CCNY: variants seen among roughly 807,000 people sequenced by gnomAD.
The protein encoded by CCNY is cyclin Y.
Under a neutral mutation model 42.8 loss-of-function variants are expected in CCNY, and 19 were observed. That is an observed-to-expected ratio of 0.44 (90% CI 0.31 to 0.65). The LOEUF is 0.65. CCNY is among the 30% of genes least tolerant of loss of function. CCNY has a pLI of 0.07. For synonymous variants in CCNY, 165 were observed against 162.7 expected (o/e 1.01, Z -0.11); for missense variants, 370 against 437.3 (o/e 0.85, Z 1.37).
At chr10:35,501,056 C>T (rs1201774164) in intron 2 of CCNY, among the ~76,000 whole-genome samples, 1 of 152,148 alleles carries the variant, frequency 6.6e-6, no homozygotes, top group Non-Finnish European at 1.5e-5. Context: ...ACATCGTCTT[C>T]CTGGATCTCA....
intron 1 of CCNY, among the ~76,000 whole-genome samples, chr10:35,405,497 GC>G (rs1423823638): frequency 1.3e-5 from 2 of 152,278 alleles, no homozygotes; most frequent in Non-Finnish European, 2.9e-5. Context: ...TAATAAGGGA[GC>G]CGGGCAGGTG....
chr10:35,508,571 T>C (rs1433608524), intron 3 of CCNY, among the ~76,000 whole-genome samples: 1 of 152,198 alleles, frequency 6.6e-6, no homozygotes, highest in Non-Finnish European at 1.5e-5. Flanking sequence ...TCATTGCTGC[T>C]GGGGTGCTAT....
intron 3 of CCNY, among the ~76,000 whole-genome samples, chr10:35,296,153 AG>A (rs1279685710): frequency 1.3e-5 from 2 of 152,260 alleles, no homozygotes; most frequent in Non-Finnish European, 2.9e-5. Flanking sequence ...CAAATCTAGC[AG>A]AAGACCAGAA....
At chr10:35,302,210 C>T (rs1835545678) in intron 3 of CCNY, among the ~76,000 whole-genome samples, 1 of 151,680 alleles carries the variant, frequency 6.6e-6, no homozygotes, top group African/African-American at 2.4e-5. Context: ...ACCCACCTGC[C>T]TCGGCCTCCC....
At chr10:35,405,860 C>T (rs2135237406) in intron 1 of CCNY, among the ~76,000 whole-genome samples, 1 of 152,328 alleles carries the variant, frequency 6.6e-6, no homozygotes, top group African/African-American at 2.4e-5. Flanking sequence ...CAGTGGGGTC[C>T]TGCACAGATG....
rs1254107253 is a variant in CCNY, at chr10:35,253,426, T to A, written c.-9+2800T>A. ...CAGCATGCTCACTATTTTTTTTTTT[T>A]TTTTTTTTTTTTTTTTTGTAGAGAT... On this transcript the variant is annotated intron_variant, in intron 3 of 11. Coordinates refer to the CCNY transcript ENST00000374706. Among the ~76,000 whole-genome samples, 91 of 139,736 alleles carry A rather than the reference T, an allele frequency of 6.5e-4. 1 individual carries two copies. The highest frequency in any genetic ancestry group is 3.3e-3 in the South Asian group (14 of 4,300). 91.7% of individuals were successfully genotyped at this position (139,736 alleles called of 152,430 possible). A position where few individuals can be genotyped will look rare whatever the true frequency, so the allele number is the denominator to read the frequency against.
chr10:35,330,703 A>G (rs1835932188), intron 3 of CCNY, among the ~76,000 whole-genome samples: 1 of 152,202 alleles, frequency 6.6e-6, no homozygotes, highest in African/African-American at 2.4e-5. Context: ...ACTGGATGCT[A>G]GAATTCCAGC....
At chr10:35,521,221 G>A (rs187427650) in intron 4 of CCNY, among the ~76,000 whole-genome samples, 7 of 152,364 alleles carry the variant, frequency 4.6e-5, no homozygotes, top group Admixed American at 3.9e-4. Flanking sequence ...TAGTCCAAAT[G>A]TTTTGTTCCC....
intron 7 of CCNY, among the ~76,000 whole-genome samples, chr10:35,534,024 CTT>C (rs796729108): frequency 7.6e-5 from 11 of 143,900 alleles, no homozygotes; most frequent in Non-Finnish European, 4.6e-5. Flanking sequence ...CATTGCTTAA[CTT>C]TTTTTTTTTT....
intron 1 of CCNY, among the ~76,000 whole-genome samples, chr10:35,426,314 A>T (rs1056093008): frequency 6.6e-6 from 1 of 152,152 alleles, no homozygotes; most frequent in Non-Finnish European, 1.5e-5. Flanking sequence ...CTCTGCAAAC[A>T]TGCTGTGTTG....
chr10:35,403,885 A>G (rs567984159), intron 1 of CCNY, among the ~76,000 whole-genome samples: 51 of 152,380 alleles, frequency 3.3e-4, no homozygotes, highest in Non-Finnish European at 6.8e-4. Context: ...GCCATCAGTA[A>G]ACCAAATGTG....
At chr10:35,343,625 G>A (rs769809280) in intron 1 of CCNY, among the ~76,000 whole-genome samples, 29 of 148,406 alleles carry the variant, frequency 2.0e-4, no homozygotes, top group Non-Finnish European at 3.7e-4. Context: ...CCTGACCTCA[G>A]GTGATCTGCC....
chr10:35,415,895 C>A (rs1195036460), intron 1 of CCNY, among the ~76,000 whole-genome samples: 2 of 152,258 alleles, frequency 1.3e-5, no homozygotes, highest in African/African-American at 2.4e-5. Context: ...CTGCACAGAT[C>A]GACAGAGAGT....
chr10:35,565,940 C>G (rs1841560656), intron 8 of CCNY, 83 bp from the exon 9 acceptor site: 2 of 1,376,596 alleles, frequency 1.5e-6, no homozygotes, highest in South Asian at 2.8e-5. Flanking sequence ...TTTCTGGAGT[C>G]TGGTCTCCAG....
chr10:35,422,198 A>T lies in CCNY; in HGVS notation c.155-61206A>T, dbSNP rs562939999. On this transcript the variant is annotated intron_variant, in intron 1 of 9. Transcript: ENST00000374704. ...TTTTTAAAATTTAAATTTAAAACCT[A>T]CAGTCGTCAATAAAACATTATTCTA... Among the ~76,000 whole-genome samples the T allele has an allele frequency of 2.6e-5, 4 of 152,272 alleles. No individual in the cohort carries two copies. The South Asian group carries it at 8.3e-4, about 32-fold the overall frequency.
chr10:35,484,921 CTT>C (rs755053423), intron 2 of CCNY, among the ~76,000 whole-genome samples: 13 of 152,196 alleles, frequency 8.5e-5, no homozygotes, highest in Non-Finnish European at 1.8e-4. Flanking sequence ...TAGAAGGAAA[CTT>C]GACCTAAGTC....
At chr10:35,256,004 GT>G (rs1167830941) in intron 3 of CCNY, among the ~76,000 whole-genome samples, 1 of 152,028 alleles carries the variant, frequency 6.6e-6, no homozygotes, top group Non-Finnish European at 1.5e-5. Flanking sequence ...TCTAATATTA[GT>G]ATAGCCATCC....
intron 1 of CCNY, among the ~76,000 whole-genome samples, chr10:35,393,007 C>A (rs1015098385): frequency 2.6e-5 from 4 of 152,132 alleles, no homozygotes; most frequent in African/African-American, 7.2e-5. Flanking sequence ...CAAGAATCCC[C>A]CTCCCCTTGC....
At position 35,449,872 on chromosome 10, in the gene CCNY, A is replaced by G. The variant is rs939551196; in HGVS notation, c.155-33532A>G. On this transcript the variant is annotated intron_variant, in intron 1 of 9. Coordinates refer to ENST00000374704, the MANE Select transcript of CCNY (RefSeq NM_145012.6). ...GGGAGAGACAAAAAGGGCCTTTCCA[A>G]TGATGCTATCTCGCACCACTCAGGG... The G allele has an allele frequency of 4.6e-6, 4 of 878,146 alleles. No individual in the cohort carries two copies. In the African/African-American group the frequency reaches 7.3e-5, roughly 16 times the overall value. The allele number at this position is 878,146 out of a possible 1,614,324, so 54.4% of individuals were successfully genotyped here.
Sources: allele counts gnomAD v4.1 joint callset (sites outside exome capture counted in the v4.1 genomes callset), GRCh38; gene constraint gnomAD v4.1.1; transcripts MANE v1.5; gene names NCBI Gene and HGNC (gene_info 2026-07-23, HGNC 2026-07-21).